CDK14: variants seen among roughly 807,000 people sequenced by gnomAD.
CDK14 encodes cyclin-dependent kinase 14.
In CDK14, 34 loss-of-function variants were observed where a neutral mutation model predicts 60.7. The observed-to-expected ratio is 0.56, with a 90% CI of 0.43 to 0.75. The LOEUF (loss-of-function observed/expected upper bound fraction) is 0.75, where lower values mean the gene tolerates loss of function less well. Among genes scored for constraint, CDK14 ranks in the 30% least tolerant of loss-of-function variants. The pLI, the probability that CDK14 is intolerant of heterozygous loss-of-function variation, is 0.00. For synonymous variants in CDK14, 197 were observed against 203.7 expected (o/e 0.97, Z 0.28); for missense variants, 482 against 564.1 (o/e 0.85, Z 1.47).
At chr7:90,597,184 G>A (rs922712424) in intron 1 of CDK14, 1 of 155,248 alleles carries the variant, frequency 6.4e-6, no homozygotes, top group African/African-American at 2.4e-5. Context: ...CTAAAGGGAA[G>A]TGGGACAGTT....
At chr7:90,977,151 G>C (rs1455179841) in intron 9 of CDK14, among the ~76,000 whole-genome samples, 2 of 152,118 alleles carry the variant, frequency 1.3e-5, no homozygotes, top group African/African-American at 4.8e-5. Context: ...TTCCGGATAA[G>C]AATATCCAAT....
chr7:91,081,911 G>A (rs1056607202), intron 12 of CDK14, among the ~76,000 whole-genome samples: 2 of 151,550 alleles, frequency 1.3e-5, no homozygotes. Context: ...TAAAAAAAAA[G>A]GAAAGTCCTT....
At chr7:90,937,832 T>A (rs1403463057) in intron 8 of CDK14, among the ~76,000 whole-genome samples, 1 of 152,190 alleles carries the variant, frequency 6.6e-6, no homozygotes, top group Non-Finnish European at 1.5e-5. Context: ...TAATAACCAA[T>A]GAGCTGGTAA....
chr7:91,169,923 A>C (rs1007612001), intron 14 of CDK14, among the ~76,000 whole-genome samples: 19 of 152,228 alleles, frequency 1.2e-4, no homozygotes, highest in African/African-American at 4.6e-4. Flanking sequence ...TTTCACATAC[A>C]GTACCCTGCG....
At chr7:90,831,306 C>T (rs552428586) in intron 5 of CDK14, among the ~76,000 whole-genome samples, 23 of 152,118 alleles carry the variant, frequency 1.5e-4, no homozygotes, top group Admixed American at 2.6e-4. Context: ...ACACATCTTA[C>T]GTGGTGGGAG....
chr7:91,061,188 G>A (rs1017259720), intron 11 of CDK14, among the ~76,000 whole-genome samples: 8 of 152,044 alleles, frequency 5.3e-5, no homozygotes, highest in Admixed American at 1.3e-4. Context: ...CCAGTTGATC[G>A]AATCGGCTAC....
chr7:90,702,093 A>C lies in CDK14; in HGVS notation c.124-24474A>C, dbSNP rs1309248421. Among the ~76,000 whole-genome samples the C allele has an allele frequency of 4.6e-5, 7 of 152,264 alleles. No individual in the cohort carries two copies. The East Asian group carries it at 1.4e-3, about 29-fold the overall frequency. On this transcript the variant is annotated intron_variant, in intron 2 of 14. Transcript: ENST00000380050. ...CTGGATAAGGTGCAGCCCTCCTTAG[A>C]CTGCAGTGGATGGCGTGGGGTGGAA...
intron 12 of CDK14, among the ~76,000 whole-genome samples, chr7:91,092,285 C>G (rs967617635): frequency 6.6e-6 from 1 of 152,172 alleles, no homozygotes; most frequent in Non-Finnish European, 1.5e-5. Context: ...TGCTCACCAT[C>G]AAACCACACT....
intron 2 of CDK14, among the ~76,000 whole-genome samples, chr7:90,636,867 G>A (rs1241318325): frequency 6.6e-6 from 1 of 151,998 alleles, no homozygotes; most frequent in Non-Finnish European, 1.5e-5. Flanking sequence ...TCTTGGGAGA[G>A]TGTATGTGTC....
chr7:91,179,739 G>T (rs1471988556), intron 14 of CDK14, among the ~76,000 whole-genome samples: 3 of 151,900 alleles, frequency 2.0e-5, no homozygotes, highest in Non-Finnish European at 2.9e-5. Flanking sequence ...GGAGGCAGAG[G>T]TTGCAGTGAG....
At chr7:90,615,481 A>G (rs1025181617) in intron 2 of CDK14, among the ~76,000 whole-genome samples, 2 of 152,248 alleles carry the variant, frequency 1.3e-5, no homozygotes, top group Non-Finnish European at 1.5e-5. Flanking sequence ...CGAACACGTT[A>G]TAACTCTGTG....
At chr7:91,205,260 C>G (rs954029299) in intron 14 of CDK14, among the ~76,000 whole-genome samples, 1 of 152,174 alleles carries the variant, frequency 6.6e-6, no homozygotes. Flanking sequence ...GCACTATTCA[C>G]TATTAGCCAA....
At chr7:90,921,203 C>T (rs914932215) in intron 8 of CDK14, among the ~76,000 whole-genome samples, 1 of 152,166 alleles carries the variant, frequency 6.6e-6, no homozygotes, top group African/African-American at 2.4e-5. Flanking sequence ...CACCTTGTTG[C>T]TCCTTGTATA....
At chr7:90,828,321 A>G (rs1789794247) in intron 5 of CDK14, among the ~76,000 whole-genome samples, 1 of 152,126 alleles carries the variant, frequency 6.6e-6, no homozygotes, top group African/African-American at 2.4e-5. Flanking sequence ...TCTCCCACCC[A>G]TTGACAGATG....
intron 10 of CDK14, among the ~76,000 whole-genome samples, chr7:91,012,198 A>G (rs1188692378): frequency 1.3e-5 from 2 of 152,102 alleles, no homozygotes; most frequent in East Asian, 3.8e-4. Context: ...CTGAAACAAG[A>G]TCCTTTTTAG....
chr7:91,153,916 A>C (rs1800897920), intron 14 of CDK14, among the ~76,000 whole-genome samples: 1 of 152,186 alleles, frequency 6.6e-6, no homozygotes, highest in East Asian at 1.9e-4. Flanking sequence ...TTGACAAAAA[A>C]ACAAAAGTAT....
At chr7:90,904,030 T>G (rs1450740785) in intron 7 of CDK14, among the ~76,000 whole-genome samples, 1 of 151,968 alleles carries the variant, frequency 6.6e-6, no homozygotes, top group Non-Finnish European at 1.5e-5. Context: ...AGCCTCTTGT[T>G]TTTCCACAGC....
intron 5 of CDK14, among the ~76,000 whole-genome samples, chr7:90,814,599 T>C (rs1789274948): frequency 6.6e-6 from 1 of 151,956 alleles, no homozygotes; most frequent in Non-Finnish European, 1.5e-5. Context: ...CTGGCCAACA[T>C]GGTGAAACCC....
At chr7:90,773,208 G>A (rs144691122) in intron 4 of CDK14, among the ~76,000 whole-genome samples, 3 of 152,296 alleles carry the variant, frequency 2.0e-5, no homozygotes, top group African/African-American at 7.2e-5. Flanking sequence ...GAACAAAGGA[G>A]TAGTATAAGA....
Sources: allele counts gnomAD v4.1 joint callset (sites outside exome capture counted in the v4.1 genomes callset), GRCh38; gene constraint gnomAD v4.1.1; transcripts MANE v1.5; gene names NCBI Gene and HGNC (gene_info 2026-07-23, HGNC 2026-07-21).